NICOL1: variants seen among roughly 807,000 people sequenced by gnomAD.
NICOL1 encodes the protein NELL2 interacting cell ontogeny regulator 1.
chr4:2,037,488 G>A, the NICOL1 span, among the ~76,000 whole-genome samples: 3 of 152,352 alleles, frequency 2.0e-5, no homozygotes, highest in Admixed American at 6.5e-5. Flanking sequence ...ATCAATATTT[G>A]TGTGATGCAT....
chr4:2,041,923 G>C, the NICOL1 span: 3 of 1,410,554 alleles, frequency 2.1e-6, no homozygotes, highest in Non-Finnish European at 2.8e-6. Context: ...CTAAACCCGC[G>C]GCCAGCGCAG....
the NICOL1 span, chr4:2,042,637 G>T: frequency 3.2e-6 from 2 of 633,034 alleles, no homozygotes; most frequent in Non-Finnish European, 5.1e-6. Flanking sequence ...GAGTGGGGAC[G>T]TGCGCTCTTT....
the NICOL1 span, chr4:2,042,246 C>G: frequency 8.2e-5 from 45 of 550,300 alleles, no homozygotes; most frequent in Admixed American, 1.9e-4. Context: ...GGACAAGGGT[C>G]GTGGGGCCCG....
chr4:2,042,758 C>A, the NICOL1 span: 1 of 1,518,064 alleles, frequency 6.6e-7, no homozygotes, highest in Admixed American at 2.0e-5. Flanking sequence ...TGGACTGCCA[C>A]GCCTTCGAGT....
chr4:2,043,872 A>C, the NICOL1 span: 1 of 1,549,658 alleles, frequency 6.5e-7, no homozygotes, highest in Non-Finnish European at 8.7e-7. Context: ...CGGAGACCCT[A>C]CTGCTGCAGG....
chr4:2,039,468 C>T, the NICOL1 span, among the ~76,000 whole-genome samples: 1 of 151,848 alleles, frequency 6.6e-6, no homozygotes, highest in East Asian at 1.9e-4. Context: ...CTAAAAATTA[C>T]AAAATGGTTC....
the NICOL1 span, among the ~76,000 whole-genome samples, chr4:2,039,281 G>A: frequency 6.6e-6 from 1 of 151,892 alleles, no homozygotes. Flanking sequence ...GGGTGTGGGG[G>A]CAGGCACCTG....
At chr4:2,042,100 C>T in the NICOL1 span, 33 of 1,482,206 alleles carry the variant, frequency 2.2e-5, no homozygotes, top group Non-Finnish European at 2.8e-5. Flanking sequence ...TCCGAATGGG[C>T]GTTTTCTAGA....
the NICOL1 span, chr4:2,041,763 G>A: frequency 4.4e-6 from 2 of 456,044 alleles, no homozygotes; most frequent in Non-Finnish European, 7.6e-6. Flanking sequence ...CTTTTCTCCC[G>A]CCGGCCTTGC....
At chr4:2,043,479 G>A in the NICOL1 span, among the ~76,000 whole-genome samples, 7 of 152,294 alleles carry the variant, frequency 4.6e-5, no homozygotes, top group South Asian at 2.1e-4. Flanking sequence ...AGAGGGCTCC[G>A]ACTAAGACCT....
At chr4:2,041,863 C>A in the NICOL1 span, 161 of 991,098 alleles carry the variant, frequency 1.6e-4, no homozygotes, top group African/African-American at 2.6e-3. Context: ...CCGGGGGCAG[C>A]CCCCGGCCAG....
the NICOL1 span, chr4:2,042,615 T>G: frequency 1.8e-6 from 1 of 541,236 alleles, no homozygotes; most frequent in South Asian, 2.6e-5. Flanking sequence ...TCGCGGGAGA[T>G]GGTGGCTTGG....
At chr4:2,040,447 G>A in the NICOL1 span, among the ~76,000 whole-genome samples, 5 of 152,134 alleles carry the variant, frequency 3.3e-5, no homozygotes, top group African/African-American at 4.8e-5. Context: ...GGTCGCGAGC[G>A]GGCGCAGCGT....
the NICOL1 span, chr4:2,042,724 CG>C: frequency 6.7e-7 from 1 of 1,503,670 alleles, no homozygotes; most frequent in Non-Finnish European, 8.8e-7. Context: ...CCCTGACCCG[CG>C]CCCCCCGCAG....
the NICOL1 span, among the ~76,000 whole-genome samples, chr4:2,041,308 C>T: frequency 6.6e-6 from 1 of 152,110 alleles, no homozygotes; most frequent in South Asian, 2.1e-4. Flanking sequence ...CGGGCGCCCC[C>T]GGGGGCCACT....
At chr4:2,037,699 T>G in the NICOL1 span, among the ~76,000 whole-genome samples, 2 of 152,162 alleles carry the variant, frequency 1.3e-5, no homozygotes, top group African/African-American at 2.4e-5. Flanking sequence ...AAATTAACTT[T>G]TCATGTAATT....
the NICOL1 span, among the ~76,000 whole-genome samples, chr4:2,038,893 G>A: frequency 3.9e-5 from 6 of 152,164 alleles, no homozygotes; most frequent in Admixed American, 1.3e-4. Context: ...TGTTTGCCTG[G>A]ATTAGGGTTA....
At chr4:2,041,965 G>C in the NICOL1 span, 14 of 1,452,184 alleles carry the variant, frequency 9.6e-6, no homozygotes, top group Non-Finnish European at 1.3e-5. Flanking sequence ...ACGTCGGATG[G>C]GGAACCCGGG....
the NICOL1 span, among the ~76,000 whole-genome samples, chr4:2,039,239 C>A: frequency 6.6e-6 from 1 of 151,866 alleles, no homozygotes; most frequent in South Asian, 2.1e-4. Context: ...CATGGTGACA[C>A]CCCATGTCTA....
Sources: allele counts gnomAD v4.1 joint callset (sites outside exome capture counted in the v4.1 genomes callset), GRCh38; gene constraint gnomAD v4.1.1; transcripts MANE v1.5; gene names NCBI Gene and HGNC (gene_info 2026-07-23, HGNC 2026-07-21).